Variants in ERICH6 observed in about 807,000 individuals in gnomAD.
ERICH6 encodes the protein glutamate-rich protein 6.
Under a neutral mutation model 71.0 loss-of-function variants are expected in ERICH6, and 71 were observed. That is an observed-to-expected ratio of 1.00 (90% CI 0.83 to 1.22). ERICH6 has a LOEUF of 1.22. Among genes scored for constraint, ERICH6 ranks in the 50% most tolerant of loss-of-function variants. The pLI is 0.00. For synonymous variants in ERICH6, 262 were observed against 278.4 expected (o/e 0.94, Z 0.59); for missense variants, 808 against 797.2 (o/e 1.01, Z -0.16).
intron 3 of ERICH6, among the ~76,000 whole-genome samples, chr3:150,687,436 C>T (rs74746417): frequency 2.0e-5 from 3 of 152,278 alleles, no homozygotes; most frequent in African/African-American, 7.2e-5. Context: ...CAATATTTTC[C>T]TTGGTTATAA....
chr3:150,681,348 G>T (rs1176843442), intron 7 of ERICH6, among the ~76,000 whole-genome samples: 1 of 152,168 alleles, frequency 6.6e-6, no homozygotes. Flanking sequence ...TTCAGGATTT[G>T]TCCATATGGT....
At chr3:150,693,579 C>T (rs1044484629) in intron 3 of ERICH6, among the ~76,000 whole-genome samples, 2 of 152,088 alleles carry the variant, frequency 1.3e-5, no homozygotes, top group African/African-American at 4.8e-5. Flanking sequence ...TTCTATAGAA[C>T]AAAATTCCAT....
intron 6 of ERICH6, among the ~76,000 whole-genome samples, chr3:150,683,040 C>T (rs1356789418): frequency 6.6e-6 from 1 of 152,092 alleles, no homozygotes; most frequent in Non-Finnish European, 1.5e-5. Context: ...GGACAGGCCT[C>T]CAGGAAGAGA....
At chr3:150,665,082 G>A (rs1240054126) in intron 13 of ERICH6, among the ~76,000 whole-genome samples, 2 of 152,020 alleles carry the variant, frequency 1.3e-5, no homozygotes, top group East Asian at 1.9e-4. Context: ...TACTATGGAT[G>A]TAATGTAACA....
At position 150,691,642 on chromosome 3, in the gene ERICH6, T is replaced by A. The variant is rs369021387; in HGVS notation, c.554-5288A>T. On this transcript the variant is annotated intron_variant, in intron 3 of 13. Transcript: ENST00000295910. ...CTGTGTAAGTCACAATAAGAGGATT[T>A]CTTTAAAAAAACTTATATAATCAAG... Among the ~76,000 whole-genome samples, 12 of 152,276 alleles carry A rather than the reference T, an allele frequency of 7.9e-5. 1 individual carries two copies. In the East Asian group the frequency reaches 1.2e-3, roughly 15 times the overall value.
At chr3:150,678,106 A>C (rs904827784) in intron 10 of ERICH6, among the ~76,000 whole-genome samples, 1 of 152,184 alleles carries the variant, frequency 6.6e-6, no homozygotes, top group Non-Finnish European at 1.5e-5. Context: ...AAAATATTGA[A>C]ATATTAATGT....
chr3:150,673,574 C>A (rs1711542894), intron 11 of ERICH6, among the ~76,000 whole-genome samples: 1 of 151,746 alleles, frequency 6.6e-6, no homozygotes, highest in Non-Finnish European at 1.5e-5. Flanking sequence ...TTATCTTTTT[C>A]TGTGTTTTGT....
chr3:150,667,541 G>A (rs773030700), intron 12 of ERICH6, among the ~76,000 whole-genome samples: 1 of 152,166 alleles, frequency 6.6e-6, no homozygotes, highest in Non-Finnish European at 1.5e-5. Context: ...ACACCTCTGT[G>A]ATCACTGCAG....
intron 1 of ERICH6, among the ~76,000 whole-genome samples, chr3:150,702,994 C>CAGAGAGAG (rs71676608): frequency 4.7e-4 from 59 of 124,266 alleles, no homozygotes; most frequent in South Asian, 5.8e-4. Flanking sequence ...GGAGGGGGAA[C>CAGAGAGAG]AGAGAGAGAG....
chr3:150,693,265 A>G (rs1712521741), intron 3 of ERICH6, among the ~76,000 whole-genome samples: 1 of 152,232 alleles, frequency 6.6e-6, no homozygotes, highest in South Asian at 2.1e-4. Context: ...ACAGAACACA[A>G]TTGGAGAAAA....
chr3:150,684,331 A>T (rs1195698249), intron 6 of ERICH6, among the ~76,000 whole-genome samples: 1 of 152,228 alleles, frequency 6.6e-6, no homozygotes, highest in African/African-American at 2.4e-5. Context: ...TAGATATTAT[A>T]TTACATGATA....
At position 150,670,182 on chromosome 3, in the gene ERICH6, C is replaced by T. The variant is rs151126279; in HGVS notation, c.1344-731G>A. On this transcript the variant is annotated intron_variant, in intron 11 of 13. Coordinates refer to ENST00000295910, the MANE Select transcript of ERICH6 (RefSeq NM_152394.5). ...CACTCTTACTACTTCTATTCAACAT[C>T]GCACTATTAATAGATGTTCTGGCTG... 2.1e-3 allele frequency among the ~76,000 whole-genome samples: 325 copies of T among 152,048 alleles called. 2 individuals are homozygous for T. Among genetic ancestry groups the T allele is most frequent in the Non-Finnish European group, 3.6e-3 (245 of 67,972 alleles).
intron 13 of ERICH6, 143 bp from the exon 14 acceptor site, chr3:150,660,298 G>A (rs1727164866): frequency 1.1e-6 from 1 of 899,460 alleles, no homozygotes; most frequent in South Asian, 1.7e-5. Flanking sequence ...AGGGGCGGTG[G>A]TGTTATTCTA....
In ERICH6 at chr3:150,673,982, T is replaced by G. The variant is rs201930607; in HGVS notation, c.1317A>C (p.Ser439=). The G allele has an allele frequency of 6.3e-5, 101 of 1,614,138 alleles. 1 individual carries two copies. In the East Asian group the frequency reaches 2.2e-3, roughly 35 times the overall value. Residue 439 remains serine (S), a synonymous_variant, in exon 11 of 14, where the codon TCA becomes TCC. Coordinates refer to ENST00000295910, the MANE Select transcript of ERICH6 (RefSeq NM_152394.5). ...ATATTTGTGTTGTCCCATCTGGAAA[T>G]GAAGTCAGAAACTTGCTCCCATGTT... ...HYKHGSKFLT[S]FPDGTTQIFY...
At chr3:150,698,439 G>A (rs1404148920) in intron 3 of ERICH6, among the ~76,000 whole-genome samples, 5 of 152,084 alleles carry the variant, frequency 3.3e-5, no homozygotes, top group Non-Finnish European at 7.4e-5. Context: ...CTTCTTAGTG[G>A]TTTGACATTT....
intron 12 of ERICH6, among the ~76,000 whole-genome samples, chr3:150,668,170 G>A (rs1727487064): frequency 6.6e-6 from 1 of 152,138 alleles, no homozygotes; most frequent in Non-Finnish European, 1.5e-5. Flanking sequence ...AAATTATCTG[G>A]CTAAATCAGT....
At position 150,703,416 on chromosome 3, in the gene ERICH6, G is replaced by A. The variant is rs997448608; in HGVS notation, c.403+80C>T. 6.2e-6 allele frequency: 9 copies of A among 1,459,802 alleles called. No individual in the cohort carries two copies. In the East Asian group the frequency reaches 1.2e-4, roughly 19 times the overall value. 90.4% of individuals were successfully genotyped at this position (1,459,802 alleles called of 1,614,324 possible). On this transcript the variant is annotated intron_variant, in intron 1 of 13. Coordinates refer to ENST00000295910, the MANE Select transcript of ERICH6 (RefSeq NM_152394.5). ...CAGGCACGACGCGCAGGTCGACGAA[G>A]GCACCACCCAGGAGTGGGTGGACCA...
At chr3:150,679,649 T>C (rs1711814718) in intron 9 of ERICH6, among the ~76,000 whole-genome samples, 1 of 152,102 alleles carries the variant, frequency 6.6e-6, no homozygotes, top group Non-Finnish European at 1.5e-5. Context: ...AACTAATATA[T>C]GAAGAAAATA....
chr3:150,703,673 C>G lies in ERICH6; in HGVS notation c.226G>C (p.Glu76Gln). The G allele has an allele frequency of 6.2e-7, 1 of 1,613,546 alleles. No individual in the cohort carries two copies. The highest frequency in any genetic ancestry group is 8.5e-7 in the Non-Finnish European group (1 of 1,179,656). ...ATGTCCGTGACCTTCCAGAGGTACT[C>G]TTCGCTGAACGTCTCAGGGGCCTCC... ...ELEAPETFSE[E>Q]YLWKVTDIGD... is the part of the protein sequence containing the mutation. Residue 76 changes from glutamate to glutamine, a missense_variant, in exon 1 of 14, where the codon GAG becomes CAG. Coordinates refer to ENST00000295910, the MANE Select transcript of ERICH6 (RefSeq NM_152394.5).
Sources: gnomAD v4.1 joint callset for allele counts (sites outside exome capture counted in the v4.1 genomes callset) on GRCh38, gnomAD v4.1.1 for gene constraint, MANE v1.5 for transcripts, NCBI Gene and HGNC (gene_info 2026-07-23, HGNC 2026-07-21) for gene names.